FOXN2: variants seen among roughly 807,000 people sequenced by gnomAD.
The protein encoded by FOXN2 is forkhead box N2.
FOXN2 carries 19 observed loss-of-function variants against 41.2 expected under a neutral mutation model. The ratio of observed to expected loss-of-function variants is 0.46; its 90% CI spans 0.32 to 0.68. The LOEUF is 0.68. Among genes scored for constraint, FOXN2 ranks in the 30% least tolerant of loss-of-function variants. FOXN2 has a pLI of 0.03. For missense variants in FOXN2, 587 were observed against 509.4 expected (o/e 1.15, Z -1.47); for synonymous variants, 195 against 176.8 (o/e 1.10, Z -0.82).
At position 48,323,765 on chromosome 2, in the gene FOXN2, G is replaced by A. The variant is rs375074350; in HGVS notation, c.-156-4796G>A. Among the ~76,000 whole-genome samples the A allele has an allele frequency of 1.1e-4, 17 of 152,014 alleles. No individual in the cohort carries two copies. In the East Asian group the frequency reaches 1.5e-3, roughly 14 times the overall value. ...TTTGTCTGTTTTTGGTTTTGTTGCA[G>A]TTGCTTTTGAGTTCTTAGTCATAAA... On this transcript the variant is annotated intron_variant, in intron 1 of 6. Transcript: ENST00000340553.
At chr2:48,336,336 AG>A (rs532386185) in intron 2 of FOXN2, among the ~76,000 whole-genome samples, 21 of 148,660 alleles carry the variant, frequency 1.4e-4, no homozygotes, top group Non-Finnish European at 2.8e-4. Flanking sequence ...TGAACCTGGG[AG>A]GGGGAGGTTG....
At chr2:48,316,666 G>C (rs1393618657) in intron 1 of FOXN2, among the ~76,000 whole-genome samples, 1 of 152,160 alleles carries the variant, frequency 6.6e-6, no homozygotes, top group South Asian at 2.1e-4. Flanking sequence ...AAAGTAGAAG[G>C]TCAAAGAGTT....
At chr2:48,362,534 A>C in intron 4 of FOXN2, 109 bp from the exon 5 acceptor site, 1 of 850,962 alleles carries the variant, frequency 1.2e-6, no homozygotes, top group Non-Finnish European at 1.9e-6. Flanking sequence ...ATGCCACTGC[A>C]CTCCAGCCTG....
At chr2:48,365,044 A>G (rs149542182) in intron 5 of FOXN2, among the ~76,000 whole-genome samples, 6 of 152,346 alleles carry the variant, frequency 3.9e-5, no homozygotes, top group African/African-American at 7.2e-5. Flanking sequence ...GTAGATTAGT[A>G]GTATATTAAA....
intron 6 of FOXN2, among the ~76,000 whole-genome samples, chr2:48,373,888 C>A (rs1163547601): frequency 6.6e-6 from 1 of 152,042 alleles, no homozygotes; most frequent in African/African-American, 2.4e-5. Context: ...AACTCCATCT[C>A]TACAAGAAAT....
rs561851974 is a variant in FOXN2 at position 48,324,212 on chromosome 2, T to G, written c.-156-4349T>G. Among the ~76,000 whole-genome samples, 34 of 133,162 alleles carry G rather than the reference T, an allele frequency of 2.6e-4. 1 individual carries two copies. The South Asian group carries it at 9.0e-3, about 35-fold the overall frequency. 87.4% of individuals were successfully genotyped at this position (133,162 alleles called of 152,430 possible). On this transcript the variant is annotated intron_variant, in intron 1 of 6. Transcript: ENST00000340553. ...CTCAGTAATTTTTTTTTTTTTTTTT[T>G]GTGACAGAGTTTCGCTCTGTCTCCC...
chr2:48,342,126 G>T (rs1384794751), intron 2 of FOXN2, among the ~76,000 whole-genome samples: 1 of 152,064 alleles, frequency 6.6e-6, no homozygotes, highest in Non-Finnish European at 1.5e-5. Context: ...TTGGGAAATA[G>T]AACAACAAAG....
upstream of FOXN2, among the ~76,000 whole-genome samples, chr2:48,314,381 A>C (rs1668744255): frequency 6.6e-6 from 1 of 151,990 alleles, no homozygotes; most frequent in Non-Finnish European, 1.5e-5. Context: ...CTAAACCCGC[A>C]CCGGCCTACA....
At chr2:48,362,368 C>G (rs998683022) in intron 4 of FOXN2, among the ~76,000 whole-genome samples, 2 of 152,124 alleles carry the variant, frequency 1.3e-5, no homozygotes, top group African/African-American at 4.8e-5. Context: ...GAGTTTGAGA[C>G]TAGCTTGTAC....
chr2:48,346,669 C>T lies in FOXN2; in HGVS notation c.455C>T (p.Ala152Val), dbSNP rs777559848. The T allele has an allele frequency of 3.7e-6, 6 of 1,613,634 alleles. No homozygotes were observed. Among genetic ancestry groups the T allele is most frequent in the South Asian group, 3.3e-5 (3 of 91,012 alleles). Reference sequence around the variant, plus strand: ...GACCATTTTCCATATTTTGCTACTGCACCAACAGGCTGGAAGAATTCTGTT... The same window carrying T: ...GACCATTTTCCATATTTTGCTACTGTACCAACAGGCTGGAAGAATTCTGTT... ...ILDHFPYFAT[A>V]PTGWKNSVRH... is the part of the protein sequence containing the mutation. The change falls in exon 3 of 7, where the codon GCA (alanine) becomes GTA (valine). Residue 152 changes from alanine to valine, a missense_variant. Physicochemically the swap from Ala to Val is moderately conservative, Grantham distance 64 (BLOSUM62 0). Transcript: ENST00000340553.
chr2:48,318,956 A>G (rs968702955), intron 1 of FOXN2, among the ~76,000 whole-genome samples: 1 of 152,238 alleles, frequency 6.6e-6, no homozygotes, highest in African/African-American at 2.4e-5. Context: ...AAAAATAGCC[A>G]TCTCTTTGCT....
intron 3 of FOXN2, among the ~76,000 whole-genome samples, chr2:48,355,008 A>C (rs1183264097): frequency 1.3e-5 from 2 of 152,192 alleles, no homozygotes; most frequent in Non-Finnish European, 1.5e-5. Context: ...GGCAGTAGTT[A>C]CTAGAATTAG....
intron 1 of FOXN2, among the ~76,000 whole-genome samples, chr2:48,328,098 T>C (rs1306675110): frequency 1.3e-5 from 2 of 152,256 alleles, no homozygotes; most frequent in African/African-American, 2.4e-5. Context: ...CTATGACTTA[T>C]ATTCAAGGCA....
intron 1 of FOXN2, among the ~76,000 whole-genome samples, chr2:48,316,043 A>G (rs936888683): frequency 2.0e-5 from 3 of 152,004 alleles, no homozygotes; most frequent in Non-Finnish European, 2.9e-5. Context: ...GGCTGAGTGT[A>G]ATAGAGTGCG....
intron 3 of FOXN2, among the ~76,000 whole-genome samples, chr2:48,350,577 C>A (rs1341514243): frequency 6.6e-6 from 1 of 152,166 alleles, no homozygotes; most frequent in Non-Finnish European, 1.5e-5. Context: ...TTGTGTCTGT[C>A]CTACACCACT....
At chr2:48,342,413 C>G (rs1039961238) in intron 2 of FOXN2, among the ~76,000 whole-genome samples, 1 of 151,988 alleles carries the variant, frequency 6.6e-6, no homozygotes, top group South Asian at 2.1e-4. Context: ...ATCTTTTTCC[C>G]TACATAAGAT....
chr2:48,347,417 G>T (rs1254875060), intron 3 of FOXN2, among the ~76,000 whole-genome samples: 2 of 151,630 alleles, frequency 1.3e-5, no homozygotes, highest in Non-Finnish European at 2.9e-5. Context: ...TAATAGAGAT[G>T]GGGTTTTGCC....
rs758963186 is a variant in FOXN2 at position 48,374,903 on chromosome 2, A to G, written c.773-17A>G. On this transcript the variant is annotated splice_polypyrimidine_tract_variant and intron_variant, in intron 6 of 6. Transcript: ENST00000340553. ...CAAACACATTTGACCTATTGATGGA[A>G]CTTTTATTTTCCACAGGTGAGAAGC... 2 of 1,580,952 alleles carry G rather than the reference A, an allele frequency of 1.3e-6. No individual in the cohort carries two copies. Among genetic ancestry groups the G allele is most frequent in the Non-Finnish European group, 1.7e-6 (2 of 1,162,514 alleles).
At chr2:48,364,149 A>G (rs1239443176) in intron 5 of FOXN2, among the ~76,000 whole-genome samples, 2 of 152,196 alleles carry the variant, frequency 1.3e-5, no homozygotes, top group Admixed American at 6.5e-5. Flanking sequence ...TGTATTTATT[A>G]TAGGAAATTT....
Sources: gnomAD v4.1 joint callset for allele counts (sites outside exome capture counted in the v4.1 genomes callset) on GRCh38, gnomAD v4.1.1 for gene constraint, MANE v1.5 for transcripts, NCBI Gene and HGNC (gene_info 2026-07-23, HGNC 2026-07-21) for gene names.